Variants in LRRC4C observed in about 807,000 individuals in gnomAD.
The protein encoded by LRRC4C is leucine-rich repeat-containing protein 4C.
LRRC4C carries 5 observed loss-of-function variants against 33.6 expected under a neutral mutation model. That is an observed-to-expected ratio of 0.15 (90% confidence interval 0.08 to 0.31). The LOEUF (loss-of-function observed/expected upper bound fraction) is 0.31, where lower values mean the gene tolerates loss of function less well. Ranked by LOEUF, LRRC4C falls within the 10% of genes least tolerant of loss-of-function variation. The probability of loss-of-function intolerance (pLI) is 1.00; values close to 1 mark genes in which losing one functional copy is unlikely to be tolerated. For missense variants in LRRC4C, 560 were observed against 796.7 expected, an observed-to-expected ratio of 0.70 and a Z score of 3.58; for synonymous variants, 329 against 302.0, an observed-to-expected ratio of 1.09 and a Z score of -0.93.
intron 3 of LRRC4C, among the ~76,000 whole-genome samples, chr11:40,327,950 AT>A (rs1946176654): frequency 6.6e-6 from 1 of 152,068 alleles, no homozygotes; most frequent in Non-Finnish European, 1.5e-5. Flanking sequence ...TTTGCTTGAG[AT>A]TTTTTTAAAG....
chr11:40,755,182 G>A (rs1046369290), intron 2 of LRRC4C, among the ~76,000 whole-genome samples: 1 of 152,030 alleles, frequency 6.6e-6, no homozygotes, highest in South Asian at 2.1e-4. Flanking sequence ...ACTACTGCTC[G>A]AAGTACCACT....
chr11:41,065,812 C>A (rs1938191811), intron 1 of LRRC4C, among the ~76,000 whole-genome samples: 2 of 152,186 alleles, frequency 1.3e-5, no homozygotes, highest in South Asian at 4.1e-4. Context: ...AGCAGACGTG[C>A]CGAAGAGGGG....
In LRRC4C at chr11:40,885,006, G is replaced by A. The variant is rs1483967440; in HGVS notation, c.-407+48629C>T. Among the ~76,000 whole-genome samples, 5 of 152,010 alleles carry A rather than the reference G, an allele frequency of 3.3e-5. No homozygotes were observed. In the South Asian group the frequency reaches 1.0e-3, roughly 32 times the overall value. On this transcript the variant is annotated intron_variant, in intron 2 of 6. Coordinates refer to ENST00000528697, the MANE Select transcript of LRRC4C (RefSeq NM_001258419.2). ...GGTGGGGGGTGAGAAAGGAGTGAGG[G>A]ATGAAAAATTATCGACTGGGAACAA...
chr11:40,910,991 G>A (rs1365038764), intron 2 of LRRC4C, among the ~76,000 whole-genome samples: 2 of 152,224 alleles, frequency 1.3e-5, no homozygotes, highest in Admixed American at 1.3e-4. Context: ...CAGCAGCAAG[G>A]CTGGGGGAGG....
At chr11:40,330,671 G>A (rs1171145494) in intron 3 of LRRC4C, among the ~76,000 whole-genome samples, 2 of 152,058 alleles carry the variant, frequency 1.3e-5, no homozygotes, top group Non-Finnish European at 2.9e-5. Flanking sequence ...AGGGGGAAAA[G>A]CCCCTTATAA....
intron 1 of LRRC4C, among the ~76,000 whole-genome samples, chr11:41,435,641 A>G (rs997332326): frequency 1.3e-5 from 2 of 152,222 alleles, no homozygotes; most frequent in African/African-American, 2.4e-5. Context: ...TTATCTTCAC[A>G]TGCTCACATG....
intron 5 of LRRC4C, among the ~76,000 whole-genome samples, chr11:40,171,533 T>C (rs2135434803): frequency 6.6e-6 from 1 of 152,244 alleles, no homozygotes; most frequent in East Asian, 1.9e-4. Context: ...TTAGTAAAAA[T>C]TTTCATGTGT....
intron 1 of LRRC4C, among the ~76,000 whole-genome samples, chr11:41,159,872 C>G (rs998178506): frequency 3.9e-5 from 6 of 152,102 alleles, no homozygotes; most frequent in African/African-American, 1.4e-4. Context: ...CCAATACTGC[C>G]TTGTAAGTGC....
chr11:40,183,014 G>A (rs1404806963), intron 5 of LRRC4C, among the ~76,000 whole-genome samples: 3 of 152,166 alleles, frequency 2.0e-5, no homozygotes, highest in Non-Finnish European at 4.4e-5. Flanking sequence ...TGTGAATCCA[G>A]CTGGTTTGGC....
intron 3 of LRRC4C, among the ~76,000 whole-genome samples, chr11:40,519,350 T>C (rs984426862): frequency 3.3e-5 from 5 of 152,204 alleles, no homozygotes; most frequent in Admixed American, 6.5e-5. Context: ...TTCATTAACA[T>C]ATGACCCCCA....
intron 1 of LRRC4C, among the ~76,000 whole-genome samples, chr11:41,116,857 C>T (rs7934854): frequency 0.58 from 88,166 of 151,924 alleles, 25,758 homozygotes; most frequent in East Asian, 0.68. Context: ...TTAATTGCAA[C>T]AGAAATATTT....
intron 1 of LRRC4C, among the ~76,000 whole-genome samples, chr11:40,957,552 G>A (rs1057190017): frequency 6.6e-6 from 1 of 151,720 alleles, no homozygotes; most frequent in Non-Finnish European, 1.5e-5. Flanking sequence ...CTCTCATCCT[G>A]TAAATGAGGA....
intron 5 of LRRC4C, among the ~76,000 whole-genome samples, chr11:40,146,902 T>A (rs1003512189): frequency 6.6e-6 from 1 of 152,164 alleles, no homozygotes; most frequent in South Asian, 2.1e-4. Flanking sequence ...TAGCGCTTTC[T>A]AGGTTGCATT....
intron 1 of LRRC4C, among the ~76,000 whole-genome samples, chr11:41,412,699 T>C (rs1281208351): frequency 6.6e-6 from 1 of 152,172 alleles, no homozygotes; most frequent in Non-Finnish European, 1.5e-5. Flanking sequence ...GACAGGGTAA[T>C]ATGGGGCTAT....
chr11:40,142,312 T>C lies in LRRC4C; in HGVS notation c.-95-1459A>G, dbSNP rs544762017. Among the ~76,000 whole-genome samples, 90 of 150,720 alleles carry C rather than the reference T, an allele frequency of 6.0e-4. 2 individuals carry two copies. In the South Asian group the frequency reaches 8.5e-3, roughly 14 times the overall value. The stretch of plus-strand genomic sequence containing the variant: ...AAAAAAAAAAAAAAAAAACCTCGAT[T>C]TTATAAAATGTTTTCCCAAATCTCA... On this transcript the variant is annotated intron_variant, in intron 5 of 6. Coordinates refer to ENST00000528697, the MANE Select transcript of LRRC4C (RefSeq NM_001258419.2).
intron 2 of LRRC4C, among the ~76,000 whole-genome samples, chr11:40,795,953 A>G (rs920389161): frequency 6.6e-6 from 1 of 152,208 alleles, no homozygotes; most frequent in Non-Finnish European, 1.5e-5. Flanking sequence ...TAATTGAGGG[A>G]AAAATGTGTT....
intron 1 of LRRC4C, among the ~76,000 whole-genome samples, chr11:41,315,871 T>C (rs1950771969): frequency 6.6e-6 from 1 of 152,168 alleles, no homozygotes. Context: ...GCTCAATAAA[T>C]AGATGTACAA....
intron 3 of LRRC4C, among the ~76,000 whole-genome samples, chr11:40,583,880 A>G (rs74957478): frequency 0.017 from 2,543 of 151,756 alleles, 86 homozygotes; most frequent in African/African-American, 0.058. Context: ...AATGAAATGC[A>G]TAGTTTTAAG....
chr11:40,320,096 T>C (rs1945767045), intron 3 of LRRC4C, among the ~76,000 whole-genome samples: 1 of 152,172 alleles, frequency 6.6e-6, no homozygotes, highest in South Asian at 2.1e-4. Flanking sequence ...AAATAGCTTA[T>C]TGTACATAAA....
Sources: gnomAD v4.1 joint callset for allele counts (sites outside exome capture counted in the v4.1 genomes callset) on GRCh38, gnomAD v4.1.1 for gene constraint, MANE v1.5 for transcripts, NCBI Gene and HGNC (gene_info 2026-07-23, HGNC 2026-07-21) for gene names.